Variants in FNDC1 observed in about 807,000 individuals in gnomAD.
The protein encoded by FNDC1 is fibronectin type III domain-containing protein 1.
Under a neutral mutation model 168.0 loss-of-function variants are expected in FNDC1, and 96 were observed. The observed-to-expected ratio is 0.57, with a 90% CI of 0.48 to 0.68. FNDC1 has a LOEUF of 0.68. Among genes scored for constraint, FNDC1 ranks in the 30% least tolerant of loss-of-function variants. The probability of loss-of-function intolerance (pLI) is 0.00; values close to 1 mark genes in which losing one functional copy is unlikely to be tolerated. For missense variants in FNDC1, 2,587 were observed against 2,482.1 expected, an observed-to-expected ratio of 1.04 and a Z score of -0.90; for synonymous variants, 1,099 against 1,025.9, an observed-to-expected ratio of 1.07 and a Z score of -1.36.
Position 159,266,136 on chromosome 6 carries a change from G to A in FNDC1, c.5337G>A (p.Thr1779=), listed in dbSNP as rs370881352. ...PFAFKHDPSY[T]DCHGRQYVKR... ...CTTTCAAACATGATCCCAGCTACAC[G>A]GACTGCCATGGACGGCAATATGTGA... The change falls in exon 21 of 23, where the codon ACG becomes ACA. Residue 1779 remains threonine, a synonymous_variant. Coordinates refer to ENST00000297267, the MANE Select transcript of FNDC1 (RefSeq NM_032532.3). The A allele has an allele frequency of 2.0e-5, 32 of 1,613,938 alleles. No individual in the cohort carries two copies. The highest frequency in any genetic ancestry group is 6.7e-5 in the Admixed American group (4 of 60,020).
intron 17 of FNDC1, among the ~76,000 whole-genome samples, chr6:159,254,534 T>G (rs1777333452): frequency 6.6e-6 from 1 of 151,998 alleles, no homozygotes; most frequent in South Asian, 2.1e-4. Context: ...GGTGAAACTC[T>G]GTCTCTACTA....
chr6:159,266,397 T>C (rs1272966628), intron 21 of FNDC1, among the ~76,000 whole-genome samples, 152 bp downstream of exon 21: 1 of 152,190 alleles, frequency 6.6e-6, no homozygotes, highest in Non-Finnish European at 1.5e-5. Context: ...ATTTTACAGA[T>C]TCTACTTTGA....
chr6:159,228,405 T>G (rs1783001724), intron 9 of FNDC1, among the ~76,000 whole-genome samples: 1 of 152,226 alleles, frequency 6.6e-6, no homozygotes, highest in Admixed American at 6.5e-5. Context: ...TTTTAAAATT[T>G]GAATCACAAA....
chr6:159,189,170 G>A (rs1326749592), intron 1 of FNDC1, among the ~76,000 whole-genome samples: 1 of 152,196 alleles, frequency 6.6e-6, no homozygotes, highest in African/African-American at 2.4e-5. Context: ...GGTTCTTGGA[G>A]CTATACCATG....
At chr6:159,181,517 C>T (rs1177375124) in intron 1 of FNDC1, among the ~76,000 whole-genome samples, 1 of 152,232 alleles carries the variant, frequency 6.6e-6, no homozygotes, top group East Asian at 1.9e-4. Flanking sequence ...GTTGGGATTG[C>T]TGTGGCCATA....
intron 12 of FNDC1, among the ~76,000 whole-genome samples, chr6:159,237,751 C>T (rs1053293512): frequency 6.6e-6 from 1 of 152,146 alleles, no homozygotes; most frequent in African/African-American, 2.4e-5. Flanking sequence ...CACTGTTAAC[C>T]ATTTGCGGTA....
chr6:159,234,351 A>G lies in FNDC1; in HGVS notation c.3839A>G (p.Gln1280Arg), dbSNP rs2501176. The G allele has an allele frequency of 0.88, 1,413,565 of 1,611,316 alleles. 622,537 individuals are homozygous for G. Among genetic ancestry groups the G allele is most frequent in the Middle Eastern group, 0.91 (5,490 of 6,056 alleles). Residue 1280 changes from glutamine to arginine, a missense_variant, in exon 11 of 23, where the codon CAG becomes CGG. By Grantham distance (43) the Gln-to-Arg change is conservative. Coordinates refer to ENST00000297267, the MANE Select transcript of FNDC1 (RefSeq NM_032532.3). ...GTCGCGGGCACCCACCCCTGGCCGC[A>G]GTACACCACGCGCGCCCCACCTGGC... ...SPVAGTHPWP[Q>R]YTTRAPPGHF...
intron 14 of FNDC1, among the ~76,000 whole-genome samples, chr6:159,241,410 G>A (rs1049869794): frequency 2.0e-5 from 3 of 151,900 alleles, no homozygotes; most frequent in African/African-American, 4.8e-5. Context: ...CTTTTATTTG[G>A]CATGAAAGTC....
rs776739536 is a variant in FNDC1, at chr6:159,232,162, G to A, written c.1650G>A (p.Glu550=). Residue 550 remains glutamate, a synonymous_variant, in exon 11 of 23, where the codon GAG becomes GAA. Transcript: ENST00000297267. This position sits in a 1 kb window ranked among gnomAD's most constrained non-coding sequence, Gnocchi z 4.9. ...GGGAGGAGGAGCTGGGTTCCCGGGAGGACTCGCCCATGTCACCCTCAGACA... is the reference window on the plus strand; with the variant it reads ...GGGAGGAGGAGCTGGGTTCCCGGGAAGACTCGCCCATGTCACCCTCAGACA... ...ITGEEELGSR[E]DSPMSPSDTQ... 1.9e-6 allele frequency: 3 copies of A among 1,613,772 alleles called. No individual in the cohort carries two copies. The highest frequency in any genetic ancestry group is 2.7e-5 in the African/African-American group (2 of 74,902).
At chr6:159,179,254 G>A (rs1781832661) in intron 1 of FNDC1, among the ~76,000 whole-genome samples, 1 of 152,226 alleles carries the variant, frequency 6.6e-6, no homozygotes. Context: ...CCTGAGGTCA[G>A]GAGATCGAGA....
intron 4 of FNDC1, among the ~76,000 whole-genome samples, chr6:159,208,908 T>C (rs1265515252): frequency 6.8e-6 from 1 of 146,936 alleles, no homozygotes; most frequent in African/African-American, 2.6e-5. Flanking sequence ...AGTGCAGTGG[T>C]GCAATCTTGG....
intron 1 of FNDC1, among the ~76,000 whole-genome samples, chr6:159,191,953 C>T (rs1172068455): frequency 6.6e-6 from 1 of 152,154 alleles, no homozygotes; most frequent in Non-Finnish European, 1.5e-5. Context: ...TCACTGCATC[C>T]TGCCCTCCCA....
chr6:159,236,087 G>A (rs1394095108), intron 11 of FNDC1, 128 bp from the exon 12 acceptor site: 1 of 609,508 alleles, frequency 1.6e-6, no homozygotes, highest in Non-Finnish European at 2.9e-6. Context: ...TTGAGCTATT[G>A]GTTTAAAATT....
At chr6:159,269,555 C>CATCCATCCATCCATCCATCA (rs1562316177) in intron 22 of FNDC1, among the ~76,000 whole-genome samples, 23 of 149,406 alleles carry the variant, frequency 1.5e-4, no homozygotes, top group African/African-American at 5.4e-4. Flanking sequence ...TCCATCCATC[C>CATCCATCCATCCATCCATCA]ATCCATCCAT....
intron 5 of FNDC1, among the ~76,000 whole-genome samples, chr6:159,220,360 GT>G (rs1257124147): frequency 6.6e-6 from 1 of 152,208 alleles, no homozygotes; most frequent in Non-Finnish European, 1.5e-5. Context: ...GGATCTTAGT[GT>G]CACTTCCGTT....
intron 12 of FNDC1, among the ~76,000 whole-genome samples, chr6:159,238,102 T>G (rs1337476869): frequency 6.9e-6 from 1 of 143,932 alleles, no homozygotes; most frequent in Non-Finnish European, 1.5e-5. Flanking sequence ...TTGTACTTTT[T>G]TTTTTTTTTT....
chr6:159,214,088 C>A (rs1016074934), intron 4 of FNDC1, among the ~76,000 whole-genome samples: 1 of 152,180 alleles, frequency 6.6e-6, no homozygotes, highest in Non-Finnish European at 1.5e-5. Context: ...AACTGCCTTA[C>A]ACAATTAAAG....
chr6:159,202,233 C>T (rs559929355), intron 4 of FNDC1, among the ~76,000 whole-genome samples: 30 of 152,116 alleles, frequency 2.0e-4, no homozygotes, highest in South Asian at 8.3e-4. Flanking sequence ...ACAACAACAA[C>T]GACAACAACA....
At chr6:159,177,369 G>A (rs986633308) in intron 1 of FNDC1, among the ~76,000 whole-genome samples, 1 of 152,134 alleles carries the variant, frequency 6.6e-6, no homozygotes, top group Non-Finnish European at 1.5e-5. Flanking sequence ...AAAGCTGTGC[G>A]GTGATGTCTC....
Sources: gnomAD v4.1 joint callset for allele counts (sites outside exome capture counted in the v4.1 genomes callset) on GRCh38, gnomAD v4.1.1 for gene constraint, Gnocchi (gnomAD v3.1) non-coding constraint, MANE v1.5 for transcripts, NCBI Gene and HGNC (gene_info 2026-07-23, HGNC 2026-07-21) for gene names.